Variants in CDK19 observed in about 807,000 individuals in gnomAD.
CDK19 encodes the protein cyclin dependent kinase 19.
A neutral mutation model predicts 68.3 loss-of-function variants in CDK19; 20 were observed. The observed-to-expected ratio is 0.29, with a 90% confidence interval of 0.21 to 0.43. The LOEUF (loss-of-function observed/expected upper bound fraction) is 0.43, where lower values mean the gene tolerates loss of function less well. CDK19 is among the 20% of genes least tolerant of loss of function. The pLI is 1.00. For missense variants in CDK19, 339 were observed against 623.5 expected (o/e 0.54, Z 4.86); for synonymous variants, 221 against 222.8 (o/e 0.99, Z 0.07).
At chr6:110,618,770 T>A (rs1335018373) in intron 12 of CDK19, among the ~76,000 whole-genome samples, 4 of 152,168 alleles carry the variant, frequency 2.6e-5, no homozygotes, top group Non-Finnish European at 2.9e-5. Context: ...CATAGCTCCC[T>A]CCCGCAAGAC....
intron 4 of CDK19, chr6:110,646,694 A>C: frequency 4.5e-6 from 2 of 442,890 alleles, no homozygotes; most frequent in Non-Finnish European, 7.9e-6. Flanking sequence ...AATTTCTGGA[A>C]TCTCGTTCAT....
intron 2 of CDK19, among the ~76,000 whole-genome samples, chr6:110,719,792 G>T (rs960662590): frequency 1.3e-5 from 2 of 152,012 alleles, no homozygotes; most frequent in African/African-American, 4.8e-5. Flanking sequence ...GTGCAGTGGC[G>T]CAATCTGGGC....
At chr6:110,666,424 CAAAAAAAAAAAAAAAAAA>C (rs57791161) in intron 4 of CDK19, among the ~76,000 whole-genome samples, 2 of 47,928 alleles carry the variant, frequency 4.2e-5, no homozygotes, top group Admixed American at 6.8e-4. Context: ...GACTCTGTCT[CAAAAAAAAAAAAAAAAAA>C]AAAAAAAAAA....
chr6:110,724,770 G>T (rs1436219431), intron 2 of CDK19, among the ~76,000 whole-genome samples: 1 of 152,074 alleles, frequency 6.6e-6, no homozygotes, highest in Non-Finnish European at 1.5e-5. Flanking sequence ...TAGATAGCTA[G>T]ATAAGATCTT....
intron 2 of CDK19, among the ~76,000 whole-genome samples, chr6:110,731,100 GAAAA>G (rs1167789239): frequency 0.011 from 1,562 of 137,842 alleles, 35 homozygotes; most frequent in African/African-American, 0.04. Flanking sequence ...AAGGAAGAAA[GAAAA>G]GAAAAGAAAG....
At chr6:110,798,246 G>A (rs1414196975) in intron 1 of CDK19, among the ~76,000 whole-genome samples, 2 of 151,946 alleles carry the variant, frequency 1.3e-5, no homozygotes, top group African/African-American at 4.8e-5. Context: ...ATGTAAGATG[G>A]CAACTGTATT....
intron 1 of CDK19, 160 bp downstream of exon 1, chr6:110,814,849 G>T (rs1045685511): frequency 3.2e-6 from 3 of 933,598 alleles, no homozygotes; most frequent in African/African-American, 1.7e-5. Context: ...GAGGCGGGCG[G>T]AACGGGCGCC....
chr6:110,777,095 C>G (rs802665), intron 1 of CDK19, among the ~76,000 whole-genome samples: 2 of 151,982 alleles, frequency 1.3e-5, no homozygotes, highest in African/African-American at 4.8e-5. Context: ...ATCTATATGT[C>G]AGAAGCCAAA....
In CDK19 at chr6:110,613,076, G is replaced by A. The variant is rs192336044; in HGVS notation, c.*1459C>T. The A allele has an allele frequency of 6.5e-6, 1 of 152,698 alleles. No individual in the cohort carries two copies. The highest frequency in any genetic ancestry group is 1.5e-5 in the Non-Finnish European group (1 of 68,034). The allele number at this position is 152,698 out of a possible 1,614,324, so 9.5% of individuals were successfully genotyped here. On this transcript the variant is annotated 3_prime_UTR_variant, in exon 13 of 13. Transcript: ENST00000368911. ...AGGCTGGTGCTGCTAGTAGCATTCA[G>A]AAGAACACAAATTTCTTGCCCCTTA...
intron 4 of CDK19, chr6:110,646,336 G>A: frequency 1.4e-6 from 2 of 1,470,930 alleles, no homozygotes; most frequent in African/African-American, 1.4e-5. Context: ...GCCCACGACG[G>A]CATGCACTTC....
intron 2 of CDK19, among the ~76,000 whole-genome samples, chr6:110,720,215 T>A (rs368340622): frequency 1.5e-4 from 23 of 152,190 alleles, no homozygotes; most frequent in African/African-American, 4.8e-4. Context: ...CATAATCCTC[T>A]CCTATTTCTC....
At chr6:110,741,284 C>T (rs1434505275) in intron 2 of CDK19, among the ~76,000 whole-genome samples, 1 of 150,554 alleles carries the variant, frequency 6.6e-6, no homozygotes, top group African/African-American at 2.4e-5. Flanking sequence ...AGTGAGACCT[C>T]ATCTTTACAA....
chr6:110,777,090 T>C (rs1042163832), intron 1 of CDK19, among the ~76,000 whole-genome samples: 1 of 152,226 alleles, frequency 6.6e-6, no homozygotes, highest in African/African-American at 2.4e-5. Context: ...CATCTATCTA[T>C]ATGTCAGAAG....
chr6:110,703,017 A>G (rs1329682667), intron 2 of CDK19, among the ~76,000 whole-genome samples: 1 of 152,158 alleles, frequency 6.6e-6, no homozygotes, highest in Non-Finnish European at 1.5e-5. Context: ...TTGGTTTGCT[A>G]CTTTATGTTG....
intron 2 of CDK19, among the ~76,000 whole-genome samples, chr6:110,681,911 A>G (rs972856608): frequency 2.0e-5 from 3 of 152,226 alleles, no homozygotes; most frequent in Non-Finnish European, 4.4e-5. Context: ...AGCTATTTTT[A>G]AAGTGTCCAC....
chr6:110,614,822 CT>C (rs1444923158), intron 12 of CDK19, among the ~76,000 whole-genome samples, 156 bp from the exon 13 acceptor site: 2 of 152,282 alleles, frequency 1.3e-5, no homozygotes, highest in Middle Eastern at 3.4e-3. Flanking sequence ...ACACATTTTG[CT>C]TATTTGAAAT....
intron 1 of CDK19, chr6:110,813,567 G>A (rs549831007): frequency 1.3e-5 from 2 of 152,112 alleles, no homozygotes; most frequent in African/African-American, 4.8e-5. Context: ...AGGACACCTG[G>A]TAATTAAAGG....
intron 1 of CDK19, among the ~76,000 whole-genome samples, chr6:110,780,500 ATTTAT>A (rs1202560738): frequency 6.6e-6 from 1 of 151,890 alleles, no homozygotes; most frequent in Non-Finnish European, 1.5e-5. Flanking sequence ...TTTTATTTAA[ATTTAT>A]TTTAAGACGG....
chr6:110,640,059 A>G (rs1040460277), intron 4 of CDK19, among the ~76,000 whole-genome samples: 10 of 152,130 alleles, frequency 6.6e-5, no homozygotes, highest in African/African-American at 2.4e-4. Context: ...GTTTCTACAA[A>G]TAATTTTTTA....
Sources: allele counts gnomAD v4.1 joint callset (sites outside exome capture counted in the v4.1 genomes callset), GRCh38; gene constraint gnomAD v4.1.1; transcripts MANE v1.5; gene names NCBI Gene and HGNC (gene_info 2026-07-23, HGNC 2026-07-21).